DRAM1: variants seen among roughly 807,000 people sequenced by gnomAD.
DRAM1 encodes DNA damage regulated autophagy modulator 1.
DRAM1 carries 25 observed loss-of-function variants against 28.5 expected under a neutral mutation model. That is an observed-to-expected ratio of 0.88 (90% confidence interval 0.64 to 1.23). The LOEUF (loss-of-function observed/expected upper bound fraction) is 1.23. Among genes scored for constraint, DRAM1 ranks in the 50% most tolerant of loss-of-function variants. The probability of loss-of-function intolerance (pLI) is 0.00; values close to 1 mark genes in which losing one functional copy is unlikely to be tolerated. For missense variants in DRAM1, 249 were observed against 299.2 expected, an observed-to-expected ratio of 0.83 and a Z score of 1.24; for synonymous variants, 113 against 114.2, an observed-to-expected ratio of 0.99 and a Z score of 0.07.
intron 3 of DRAM1, among the ~76,000 whole-genome samples, chr12:101,903,947 ACACACACACACACACC>A (rs1034160675): frequency 2.0e-5 from 3 of 146,862 alleles, no homozygotes; most frequent in African/African-American, 8.0e-5. Flanking sequence ...ACACACACAC[ACACACACACACACACC>A]CCTATAAGCC....
chr12:101,909,603 C>G (rs186441814), intron 4 of DRAM1, among the ~76,000 whole-genome samples: 2 of 152,200 alleles, frequency 1.3e-5, no homozygotes, highest in Non-Finnish European at 2.9e-5. Context: ...AGCTCTAGAT[C>G]ACTTATTACT....
intron 6 of DRAM1, among the ~76,000 whole-genome samples, chr12:101,920,850 G>A (rs2121182897): frequency 6.6e-6 from 1 of 152,300 alleles, no homozygotes; most frequent in South Asian, 2.1e-4. Context: ...GGCGGAGGTT[G>A]TCGTGAGCTG....
chr12:101,884,249 C>T (rs1363306127), intron 1 of DRAM1, among the ~76,000 whole-genome samples: 2 of 142,110 alleles, frequency 1.4e-5, no homozygotes, highest in South Asian at 2.3e-4. Flanking sequence ...ATTAGCTGAG[C>T]GTGGTAGGAT....
intron 4 of DRAM1, among the ~76,000 whole-genome samples, chr12:101,912,947 C>T (rs563907908): frequency 2.6e-5 from 4 of 152,218 alleles, no homozygotes; most frequent in Non-Finnish European, 4.4e-5. Context: ...AGACTAGTCT[C>T]GAACTCCTGA....
chr12:101,882,107 A>ATTTTTTTTTTTTTTTT (rs78402038), intron 1 of DRAM1, among the ~76,000 whole-genome samples: 1 of 129,532 alleles, frequency 7.7e-6, no homozygotes, highest in Non-Finnish European at 1.7e-5. Context: ...TGATGGTCTA[A>ATTTTTTTTTTTTTTTT]TTTTTTTTTT....
Position 101,887,946 on chromosome 12 carries a change from A to G in DRAM1, c.132-9917A>G, listed in dbSNP as rs535440327. Among the ~76,000 whole-genome samples, 6 of 152,244 alleles carry G rather than the reference A, an allele frequency of 3.9e-5. No homozygotes were observed. The East Asian group carries it at 1.2e-3, about 29-fold the overall frequency. ...TTCCTGTTCAGCCGTAACAATGAGT[A>G]CCAGGATAAAAAATACTCAGTTAAT... On this transcript the variant is annotated intron_variant, in intron 1 of 6. Transcript: ENST00000258534.
chr12:101,897,030 G>A (rs79354260), intron 1 of DRAM1, among the ~76,000 whole-genome samples: 4 of 150,592 alleles, frequency 2.7e-5, no homozygotes, highest in Non-Finnish European at 5.9e-5. Flanking sequence ...CAGGTGATCC[G>A]CCCGCCTCAG....
chr12:101,916,033 C>A (rs560832367), intron 5 of DRAM1, among the ~76,000 whole-genome samples: 1 of 152,182 alleles, frequency 6.6e-6, no homozygotes, highest in Non-Finnish European at 1.5e-5. Flanking sequence ...AAATGATTAA[C>A]ACAAGAATGA....
chr12:101,893,102 T>G (rs1873201054), intron 1 of DRAM1, among the ~76,000 whole-genome samples: 1 of 152,222 alleles, frequency 6.6e-6, no homozygotes, highest in Non-Finnish European at 1.5e-5. Flanking sequence ...CAGAAAGGTT[T>G]TACAATTATA....
At position 101,921,486 on chromosome 12, in the gene DRAM1, G is replaced by T; in HGVS notation, c.*226G>T. 1 of 361,216 alleles carries T rather than the reference G, an allele frequency of 2.8e-6. No individual in the cohort carries two copies. The highest frequency in any genetic ancestry group is 4.9e-6 in the Non-Finnish European group (1 of 202,854). 22.4% of individuals were successfully genotyped at this position (361,216 alleles called of 1,614,324 possible). Reference sequence around the variant, plus strand: ...TAGTGATGTTTTTATAATTTTCTAAGTAGATTTTTTTATATTAACAAATTC... The same window carrying T: ...TAGTGATGTTTTTATAATTTTCTAATTAGATTTTTTTATATTAACAAATTC... On this transcript the variant is annotated 3_prime_UTR_variant, in exon 7 of 7. Coordinates refer to ENST00000258534, the MANE Select transcript of DRAM1 (RefSeq NM_018370.3).
At chr12:101,921,132 G>T in intron 6 of DRAM1, 84 bp from the exon 7 acceptor site, 1 of 951,976 alleles carries the variant, frequency 1.1e-6, no homozygotes, top group South Asian at 1.3e-5. Context: ...TTCCTTAGGT[G>T]GTGCAGAGCT....
chr12:101,886,161 C>A (rs191474740), intron 1 of DRAM1, among the ~76,000 whole-genome samples: 1 of 152,118 alleles, frequency 6.6e-6, no homozygotes, highest in East Asian at 1.9e-4. Context: ...GATTTGCGGT[C>A]CCAGTTTGTG....
rs35171315 is a variant in DRAM1, at chr12:101,882,835, CTTTTTT to C, written c.131+4931_131+4936del. ...CCCCCCCATCATTTGATGCAACAGC[CTTTTTT>C]TTTTTTTTTTTTTTTGAAATTTATC... is the stretch of plus-strand genomic sequence containing the variant. On this transcript the variant is annotated intron_variant, in intron 1 of 6. Transcript: ENST00000258534. Among the ~76,000 whole-genome samples the C allele has an allele frequency of 4.4e-5, 5 of 112,570 alleles. No homozygotes were observed. In the East Asian group the frequency reaches 1.5e-3, roughly 35 times the overall value. The allele number at this position is 112,570 out of a possible 152,430, so 73.9% of individuals were successfully genotyped here. A position where few individuals can be genotyped will look rare whatever the true frequency, so the allele number is the denominator to read the frequency against.
At chr12:101,892,111 T>C (rs1305989561) in intron 1 of DRAM1, among the ~76,000 whole-genome samples, 2 of 152,202 alleles carry the variant, frequency 1.3e-5, no homozygotes, top group Non-Finnish European at 2.9e-5. Context: ...TTATGTATGC[T>C]GTCCAAAAAA....
chr12:101,920,357 C>T (rs1247890039), intron 6 of DRAM1, among the ~76,000 whole-genome samples, 156 bp downstream of exon 6: 1 of 69,198 alleles, frequency 1.4e-5, no homozygotes, highest in Non-Finnish European at 2.5e-5. Flanking sequence ...GGACTGCGGA[C>T]TGCAGTGGCG....
chr12:101,895,189 T>TG (rs1188614949), intron 1 of DRAM1, among the ~76,000 whole-genome samples: 7 of 46,426 alleles, frequency 1.5e-4, no homozygotes, highest in African/African-American at 7.4e-4. Flanking sequence ...CCTTCAGGTT[T>TG]TTTTTTTTTT....
At position 101,877,603 on chromosome 12, in the gene DRAM1, C is replaced by T. The variant is rs996161902; in HGVS notation, c.-187C>T. 25 of 328,558 alleles carry T rather than the reference C, an allele frequency of 7.6e-5. 1 individual carries two copies. Among genetic ancestry groups the T allele is most frequent in the East Asian group, 6.8e-4 (13 of 19,080 alleles). The allele number at this position is 328,558 out of a possible 1,614,324, so 20.4% of individuals were successfully genotyped here. A position where few individuals can be genotyped will look rare whatever the true frequency, so the allele number is the denominator to read the frequency against. ...CCACTCTGGCCCGGCAGCCTCGCCG[C>T]CCGCAGCCTCGCTCCGCTCCTCGCG... On this transcript the variant is annotated 5_prime_UTR_variant, in exon 1 of 7. Transcript: ENST00000258534. This position sits in a 1 kb window ranked among gnomAD's most constrained non-coding sequence, Gnocchi z 4.1.
chr12:101,897,542 CT>C (rs1873432363), intron 1 of DRAM1, among the ~76,000 whole-genome samples: 1 of 147,484 alleles, frequency 6.8e-6, no homozygotes, highest in Non-Finnish European at 1.5e-5. Context: ...TTTTGTTTTT[CT>C]TTTTCAAAGT....
At chr12:101,894,162 G>T (rs1243646626) in intron 1 of DRAM1, among the ~76,000 whole-genome samples, 4 of 151,716 alleles carry the variant, frequency 2.6e-5, no homozygotes, top group Non-Finnish European at 5.9e-5. Context: ...CTATTGCCTA[G>T]GCTGGAGTGC....
Sources: gnomAD v4.1 joint callset for allele counts (sites outside exome capture counted in the v4.1 genomes callset) on GRCh38, gnomAD v4.1.1 for gene constraint, Gnocchi (gnomAD v3.1) non-coding constraint, MANE v1.5 for transcripts, NCBI Gene and HGNC (gene_info 2026-07-23, HGNC 2026-07-21) for gene names.